The following ARHGEF28 variants were observed in gnomAD, a reference collection of about 807,000 sequenced individuals.
The protein encoded by ARHGEF28 is Rho guanine nucleotide exchange factor 28, also known as 190 kDa guanine nucleotide exchange factor.
Under a neutral mutation model 206.6 loss-of-function variants are expected in ARHGEF28, and 152 were observed. The ratio of observed to expected loss-of-function variants is 0.74; its 90% CI spans 0.64 to 0.84. The LOEUF (loss-of-function observed/expected upper bound fraction) is 0.84. Ranked by LOEUF, ARHGEF28 falls within the 40% of genes least tolerant of loss-of-function variation. The pLI is 0.00. For synonymous variants in ARHGEF28, 763 were observed against 776.4 expected, an observed-to-expected ratio of 0.98 and a Z score of 0.29; for missense variants, 2,028 against 2,073.2, an observed-to-expected ratio of 0.98 and a Z score of 0.42.
At chr5:73,670,592 C>A (rs1411693982) in intron 1 of ARHGEF28, among the ~76,000 whole-genome samples, 2 of 152,152 alleles carry the variant, frequency 1.3e-5, no homozygotes, top group African/African-American at 2.4e-5. Context: ...TCCAGAGTGG[C>A]TTTATTGTTT....
intron 10 of ARHGEF28, among the ~76,000 whole-genome samples, chr5:73,838,915 A>G (rs1419612152): frequency 6.6e-6 from 1 of 151,654 alleles, no homozygotes; most frequent in Non-Finnish European, 1.5e-5. Flanking sequence ...CATGTGTTGC[A>G]TATAGTTGTT....
intron 2 of ARHGEF28, among the ~76,000 whole-genome samples, chr5:73,736,375 C>T (rs1248684062): frequency 1.3e-5 from 2 of 152,142 alleles, no homozygotes; most frequent in Non-Finnish European, 2.9e-5. Flanking sequence ...CCTGCTTCTT[C>T]CTGACCCTCC....
At chr5:73,794,832 C>T (rs936784129) in intron 8 of ARHGEF28, among the ~76,000 whole-genome samples, 4 of 152,278 alleles carry the variant, frequency 2.6e-5, no homozygotes, top group East Asian at 1.9e-4. Context: ...GTCTCGAACT[C>T]GTGACCTCAG....
intron 8 of ARHGEF28, among the ~76,000 whole-genome samples, 168 bp downstream of exon 8, chr5:73,794,622 T>G (rs1461490120): frequency 6.6e-6 from 1 of 151,232 alleles, no homozygotes; most frequent in African/African-American, 2.4e-5. Flanking sequence ...TTTTTTTTTT[T>G]TTGAGATGGA....
chr5:73,663,184 G>A (rs750175318), intron 1 of ARHGEF28, among the ~76,000 whole-genome samples: 67 of 152,152 alleles, frequency 4.4e-4, no homozygotes, highest in Non-Finnish European at 8.4e-4. Flanking sequence ...TCGAACTCCT[G>A]ATCTCAGATG....
intron 4 of ARHGEF28, among the ~76,000 whole-genome samples, chr5:73,771,285 G>A (rs6889731): frequency 0.025 from 3,850 of 152,278 alleles, 151 homozygotes; most frequent in African/African-American, 0.088. Flanking sequence ...GCTCATGCCT[G>A]TAATCCCAGC....
chr5:73,691,310 C>CAG (rs1747815473), intron 2 of ARHGEF28, among the ~76,000 whole-genome samples: 1 of 151,988 alleles, frequency 6.6e-6, no homozygotes, highest in South Asian at 2.1e-4. Flanking sequence ...CACACACACA[C>CAG]ACACACACAC....
At chr5:73,696,020 T>C (rs189730650) in intron 2 of ARHGEF28, among the ~76,000 whole-genome samples, 77 of 152,290 alleles carry the variant, frequency 5.1e-4, no homozygotes, top group African/African-American at 1.7e-3. Context: ...GTTATGACCT[T>C]GGATAGCTAT....
Position 73,941,547 on chromosome 5 carries a change from G to T in ARHGEF28, c.*534G>T, listed in dbSNP as rs531487702. 2 of 152,480 alleles carry T rather than the reference G, an allele frequency of 1.3e-5. No individual in the cohort carries two copies. The highest frequency in any genetic ancestry group is 2.4e-5 in the African/African-American group (1 of 41,440). The allele number at this position is 152,480 out of a possible 1,614,324, so 9.4% of individuals were successfully genotyped here. A position where few individuals can be genotyped will look rare whatever the true frequency, so the allele number is the denominator to read the frequency against. On this transcript the variant is annotated 3_prime_UTR_variant, in exon 36 of 36. Transcript: ENST00000513042. ...TTACAGTCACTATTCAACTGGGCAC[G>T]TGTTGTGATTGGTCAGTCACTGAGC...
intron 7 of ARHGEF28, among the ~76,000 whole-genome samples, chr5:73,793,798 CTTT>C (rs35889342): frequency 4.1e-4 from 59 of 142,366 alleles, no homozygotes; most frequent in Middle Eastern, 3.6e-3. Context: ...TTGGGTGAAC[CTTT>C]TTTTTTTTTT....
chr5:73,675,425 A>T (rs1746593346), intron 1 of ARHGEF28, among the ~76,000 whole-genome samples: 1 of 152,064 alleles, frequency 6.6e-6, no homozygotes, highest in Non-Finnish European at 1.5e-5. Context: ...ATTGTGTGAA[A>T]ATGAAAATAA....
At chr5:73,773,124 C>G (rs2112445858) in intron 4 of ARHGEF28, among the ~76,000 whole-genome samples, 1 of 152,304 alleles carries the variant, frequency 6.6e-6, no homozygotes, top group African/African-American at 2.4e-5. Flanking sequence ...AGATACTGTG[C>G]TAGGTATTAG....
At chr5:73,926,775 G>A (rs1206918883) in intron 35 of ARHGEF28, among the ~76,000 whole-genome samples, 1 of 152,182 alleles carries the variant, frequency 6.6e-6, no homozygotes, top group Non-Finnish European at 1.5e-5. Context: ...TGTGGACAAT[G>A]TTCATTAGCC....
At chr5:73,936,274 T>C (rs1472635398) in intron 35 of ARHGEF28, among the ~76,000 whole-genome samples, 1 of 152,228 alleles carries the variant, frequency 6.6e-6, no homozygotes, top group African/African-American at 2.4e-5. Flanking sequence ...TGTCTTCTGC[T>C]CATTAGTTAA....
rs80084846 is a variant in ARHGEF28 at position 73,887,643 on chromosome 5, A to G, written c.3351A>G (p.Leu1117=). 512 of 1,574,516 alleles carry G rather than the reference A, an allele frequency of 3.3e-4. 3 individuals carry two copies. In the African/African-American group the frequency reaches 5.7e-3, roughly 17 times the overall value. The change falls in exon 26 of 36, where the codon TTA becomes TTG. Residue 1117 remains leucine, a synonymous_variant. Transcript: ENST00000513042. The part of the protein sequence containing the change: ...ALLLTDVLLF[L]QEKDQKYIFA... ...TTCTAACTGATGTGCTGCTCTTTTTACAAGAAAAAGACCAGAAATACATCT... is the reference window on the plus strand; with the variant it reads ...TTCTAACTGATGTGCTGCTCTTTTTGCAAGAAAAAGACCAGAAATACATCT...
chr5:73,931,534 C>A (rs1230598321), intron 35 of ARHGEF28, among the ~76,000 whole-genome samples: 1 of 151,916 alleles, frequency 6.6e-6, no homozygotes, highest in Non-Finnish European at 1.5e-5. Flanking sequence ...ATTTCCATTT[C>A]TTCACATTTT....
At chr5:73,911,134 G>C (rs908744847) in intron 34 of ARHGEF28, 141 bp from the exon 35 acceptor site, 12 of 827,346 alleles carry the variant, frequency 1.5e-5, no homozygotes, top group African/African-American at 1.2e-4. Context: ...GTATGGGAGA[G>C]GGGAGGGAGA....
At chr5:73,752,177 A>G (rs6873741) in intron 3 of ARHGEF28, among the ~76,000 whole-genome samples, 51,153 of 152,040 alleles carry the variant, frequency 0.34, 9,537 homozygotes, top group African/African-American at 0.5. Context: ...TGCCAAGGGC[A>G]GCATAAAAAT....
chr5:73,801,487 G>A (rs1479533115), intron 9 of ARHGEF28, among the ~76,000 whole-genome samples: 2 of 151,620 alleles, frequency 1.3e-5, no homozygotes, highest in African/African-American at 4.9e-5. Flanking sequence ...TAAATGAAGA[G>A]GATCTTAAGC....
Sources: allele counts gnomAD v4.1 joint callset (sites outside exome capture counted in the v4.1 genomes callset), GRCh38; gene constraint gnomAD v4.1.1; transcripts MANE v1.5; gene names NCBI Gene and HGNC (gene_info 2026-07-23, HGNC 2026-07-21).